The following PINK1 variants were observed in gnomAD, a reference collection of about 807,000 sequenced individuals.
The protein encoded by PINK1 is serine/threonine-protein kinase PINK1, mitochondrial.
A neutral mutation model predicts 56.0 loss-of-function variants in PINK1; 58 were observed. The observed-to-expected ratio is 1.04, with a 90% confidence interval of 0.84 to 1.29. The LOEUF (loss-of-function observed/expected upper bound fraction) is 1.29. Among genes scored for constraint, PINK1 ranks in the 50% most tolerant of loss-of-function variants. PINK1 has a pLI of 0.00. For synonymous variants in PINK1, 354 were observed against 339.3 expected (o/e 1.04, Z -0.48); for missense variants, 745 against 777.9 (o/e 0.96, Z 0.50).
At chr1:20,636,802 G>C (rs889433764) in intron 1 of PINK1, among the ~76,000 whole-genome samples, 8 of 152,170 alleles carry the variant, frequency 5.3e-5, no homozygotes, top group African/African-American at 1.9e-4. Flanking sequence ...CTTGATGGCT[G>C]AGCAGGGATG....
intron 7 of PINK1, 109 bp from the exon 8 acceptor site, chr1:20,650,321 AGAGG>A: frequency 7.3e-7 from 1 of 1,361,124 alleles, no homozygotes; most frequent in Middle Eastern, 2.5e-4. Context: ...GAGATAGGGT[AGAGG>A]AAGAATTGGG....
Position 20,637,908 on chromosome 1 carries a change from C to T in PINK1, c.454C>T (p.Arg152Trp), listed in dbSNP as rs45608139. Residue 152 changes from arginine (R) to tryptophan (W), a missense_variant, in exon 2 of 8, where the codon CGG becomes TGG. Physicochemically the swap from Arg to Trp is moderately radical, Grantham distance 101. Transcript: ENST00000321556. ...GGACACGAGACGCTTGCAGGGCTTT[C>T]GGCTGGAGGAGTATCTGATAGGGCA... ...PLDTRRLQGF[R>W]LEEYLIGQSI... The T allele has an allele frequency of 1.9e-5, 30 of 1,614,180 alleles. No individual in the cohort carries two copies. Among genetic ancestry groups the T allele is most frequent in the Middle Eastern group, 1.6e-4 (1 of 6,062 alleles).
intron 1 of PINK1, among the ~76,000 whole-genome samples, chr1:20,635,831 AGAGTGAGACTCCGTC>A (rs2053051585): frequency 6.6e-6 from 1 of 151,220 alleles, no homozygotes; most frequent in Non-Finnish European, 1.5e-5. Context: ...CCTAGAGGAC[AGAGTGAGACTCCGTC>A]TCAAAAAAAA....
At chr1:20,634,841 AGGT>A in intron 1 of PINK1, among the ~76,000 whole-genome samples, 1 of 152,294 alleles carries the variant, frequency 6.6e-6, no homozygotes, top group Middle Eastern at 3.4e-3. Context: ...GTTAGGGCTG[AGGT>A]GGTGGAAGAG....
In PINK1 at chr1:20,638,125, T is replaced by C. The variant is rs552625273; in HGVS notation, c.671T>C (p.Ile224Thr). 1.9e-6 allele frequency: 3 copies of C among 1,611,322 alleles called. No homozygotes were observed. In the East Asian group the frequency reaches 6.7e-5, roughly 36 times the overall value. The change falls in exon 2 of 8, where the codon ATC becomes ACC. Residue 224 changes from isoleucine (I) to threonine (T), a missense_variant. Ile to Thr is a moderately conservative substitution (Grantham distance 89). Transcript: ENST00000321556. Reference protein sequence around the residue: ...FPLAIKMMWNISAGSSSEAIL... With the variant: ...FPLAIKMMWNTSAGSSSEAIL... The stretch of plus-strand genomic sequence containing the variant: ...TTGGCCATCAAGATGATGTGGAACA[T>C]CTCGGTAAGCACCAGGCCTTTCATC...
chr1:20,648,698 A>G (rs1215329188), intron 6 of PINK1, 66 bp downstream of exon 6: 2 of 1,599,056 alleles, frequency 1.3e-6, no homozygotes, highest in East Asian at 4.5e-5. Flanking sequence ...AATGCAGGAG[A>G]CTCGATGCCT....
intron 5 of PINK1, among the ~76,000 whole-genome samples, chr1:20,645,994 C>T (rs2053176452): frequency 6.6e-6 from 1 of 152,046 alleles, no homozygotes; most frequent in Non-Finnish European, 1.5e-5. Flanking sequence ...AATAAAGAGG[C>T]CCGGCACAGT....
chr1:20,633,709 C>G lies in PINK1; in HGVS notation c.161C>G (p.Ala54Gly). ...ERPGWAAGPG[A>G]EPRRVGLGLP... is the part of the protein sequence containing the mutation. The stretch of plus-strand genomic sequence containing the variant: ...CCAGGCTGGGCCGCAGGACCGGGCG[C>G]GGAGCCTCGCAGGGTCGGGCTCGGG... Residue 54 changes from alanine to glycine, a missense_variant, in exon 1 of 8, where the codon GCG becomes GGG. Coordinates refer to ENST00000321556, the MANE Select transcript of PINK1 (RefSeq NM_032409.3). The G allele has an allele frequency of 6.6e-7, 1 of 1,519,126 alleles. No homozygotes were observed. Among genetic ancestry groups the G allele is most frequent in the Non-Finnish European group, 8.8e-7 (1 of 1,139,730 alleles). 94.1% of individuals were successfully genotyped at this position (1,519,126 alleles called of 1,614,324 possible).
chr1:20,645,530 T>G (rs2053168534), intron 4 of PINK1, 30 bp from the exon 5 acceptor site: 1 of 1,604,372 alleles, frequency 6.2e-7, no homozygotes, highest in African/African-American at 1.4e-5. Flanking sequence ...CGATGTGTGG[T>G]AGCCAGAGGC....
chr1:20,642,710 A>C (rs994744870), intron 3 of PINK1: 6 of 152,260 alleles, frequency 3.9e-5, no homozygotes, highest in African/African-American at 7.2e-5. Context: ...TCTGTTGCCC[A>C]GGCTGGAGAG....
intron 3 of PINK1, 93 bp from the exon 4 acceptor site, chr1:20,644,397 T>C: frequency 1.5e-6 from 2 of 1,311,278 alleles, no homozygotes; most frequent in South Asian, 1.2e-5. Flanking sequence ...GAATAATGAA[T>C]GTCAGTGCCA....
chr1:20,633,895 C>G lies in PINK1; in HGVS notation c.347C>G (p.Ala116Gly), dbSNP rs1389741334. The G allele has an allele frequency of 2.5e-6, 4 of 1,583,520 alleles. No homozygotes were observed. Among genetic ancestry groups the G allele is most frequent in the South Asian group, 2.3e-5 (2 of 87,070 alleles). ...LGLGLIEEKQ[A>G]ESRRAVSACQ... Reference sequence around the variant, plus strand: ...CTGGGCCTCATCGAGGAAAAACAGGCGGAGAGCCGGCGGGCGGTCTCGGCC... The same window carrying G: ...CTGGGCCTCATCGAGGAAAAACAGGGGGAGAGCCGGCGGGCGGTCTCGGCC... The change falls in exon 1 of 8, where the codon GCG (alanine) becomes GGG (glycine). Residue 116 changes from alanine (A) to glycine (G), a missense_variant. By Grantham distance (60) the Ala-to-Gly change is moderately conservative. Transcript: ENST00000321556.
rs2053028769 is a variant in PINK1 at position 20,634,067 on chromosome 1, T to C, written c.387+132T>C. 4.6e-6 allele frequency: 5 copies of C among 1,082,846 alleles called. No homozygotes were observed. In the South Asian group the frequency reaches 7.5e-5, roughly 16 times the overall value. The allele number at this position is 1,082,846 out of a possible 1,614,324, so 67.1% of individuals were successfully genotyped here. A position where few individuals can be genotyped will look rare whatever the true frequency, so the allele number is the denominator to read the frequency against. On this transcript the variant is annotated intron_variant, in intron 1 of 7. Coordinates refer to ENST00000321556, the MANE Select transcript of PINK1 (RefSeq NM_032409.3). ...GATCGAGGGCCGAGGCGAGGGTCCT[T>C]AAAGCTCATCTATTTCACCATTACT... is the stretch of plus-strand genomic sequence containing the variant.
chr1:20,645,986 TAAAG>T (rs1278763741), intron 5 of PINK1, among the ~76,000 whole-genome samples: 2 of 151,910 alleles, frequency 1.3e-5, no homozygotes, highest in Non-Finnish European at 2.9e-5. Flanking sequence ...CCTAGGTAAA[TAAAG>T]AGGCCCGGCA....
Position 20,650,614 on chromosome 1 carries a change from C to T in PINK1, c.1669C>T (p.Leu557Phe), listed in dbSNP as rs765900048. 6 of 1,614,240 alleles carry T rather than the reference C, an allele frequency of 3.7e-6. No individual in the cohort carries two copies. The highest frequency in any genetic ancestry group is 4.2e-6 in the Non-Finnish European group (5 of 1,180,042). The stretch of plus-strand genomic sequence containing the variant: ...TTGTGTGGAAACAAAAATGAAGATG[C>T]TCTTTCTGGCTAACCTGGAGTGTGA... Reference protein sequence around the residue: ...KCCVETKMKMLFLANLECETL... With the variant: ...KCCVETKMKMFFLANLECETL... Residue 557 changes from leucine to phenylalanine, a missense_variant, in exon 8 of 8, where the codon CTC (leucine) becomes TTC (phenylalanine). Physicochemically the swap from Leu to Phe is conservative, Grantham distance 22 (BLOSUM62 0). Coordinates refer to ENST00000321556, the MANE Select transcript of PINK1 (RefSeq NM_032409.3).
Position 20,633,822 on chromosome 1 carries a change from T to G in PINK1, c.274T>G (p.Cys92Gly). ...GCAGTTCGTGGTGCGGGCCTGGGGCTGCGCGGGCCCTTGCGGCCGGGCAGT... is the reference window on the plus strand; with the variant it reads ...GCAGTTCGTGGTGCGGGCCTGGGGCGGCGCGGGCCCTTGCGGCCGGGCAGT... ...QRQFVVRAWG[C>G]AGPCGRAVFL... The change falls in exon 1 of 8, where the codon TGC becomes GGC. Residue 92 changes from cysteine (C) to glycine (G), a missense_variant. Transcript: ENST00000321556. 1.3e-6 allele frequency: 2 copies of G among 1,578,158 alleles called. No homozygotes were observed. Among genetic ancestry groups the G allele is most frequent in the Non-Finnish European group, 1.7e-6 (2 of 1,165,764 alleles).
At chr1:20,644,869 ACT>A (rs1441052013) in intron 4 of PINK1, among the ~76,000 whole-genome samples, 197 bp downstream of exon 4, 1 of 151,988 alleles carries the variant, frequency 6.6e-6, no homozygotes, top group Non-Finnish European at 1.5e-5. Context: ...ATGGAAACAA[ACT>A]CTCATCTTCA....
Position 20,633,867 on chromosome 1 carries a change from G to T in PINK1, c.319G>T (p.Gly107Trp). 2 of 1,579,588 alleles carry T rather than the reference G, an allele frequency of 1.3e-6. No homozygotes were observed. The highest frequency in any genetic ancestry group is 2.3e-5 in the South Asian group (2 of 86,646). Reference protein sequence around the residue: ...GRAVFLAFGLGLGLIEEKQAE... With the variant: ...GRAVFLAFGLWLGLIEEKQAE... ...GGCAGTCTTTCTGGCCTTCGGGCTA[G>T]GGCTGGGCCTCATCGAGGAAAAACA... The change falls in exon 1 of 8, where the codon GGG (glycine) becomes TGG (tryptophan). Residue 107 changes from glycine to tryptophan, a missense_variant. Physicochemically the swap from Gly to Trp is radical, Grantham distance 184. Coordinates refer to ENST00000321556, the MANE Select transcript of PINK1 (RefSeq NM_032409.3).
At chr1:20,635,243 C>T (rs2053044087) in intron 1 of PINK1, among the ~76,000 whole-genome samples, 1 of 152,202 alleles carries the variant, frequency 6.6e-6, no homozygotes, top group African/African-American at 2.4e-5. Flanking sequence ...TGGCTCATGC[C>T]TGTAATCCCA....
Sources: allele counts gnomAD v4.1 joint callset (sites outside exome capture counted in the v4.1 genomes callset), GRCh38; gene constraint gnomAD v4.1.1; transcripts MANE v1.5; gene names NCBI Gene and HGNC (gene_info 2026-07-23, HGNC 2026-07-21).